The following SRSF4 variants were observed in gnomAD, a reference collection of about 807,000 sequenced individuals.
SRSF4 encodes the protein serine and arginine rich splicing factor 4.
In SRSF4, 12 loss-of-function variants were observed where a neutral mutation model predicts 48.8. That is an observed-to-expected ratio of 0.25 (90% CI 0.16 to 0.40). SRSF4 has a LOEUF of 0.40. Among genes scored for constraint, SRSF4 ranks in the 10% least tolerant of loss-of-function variants. SRSF4 has a pLI of 1.00. For missense variants in SRSF4, 466 were observed against 667.1 expected, an observed-to-expected ratio of 0.70 and a Z score of 3.32; for synonymous variants, 248 against 232.5, an observed-to-expected ratio of 1.07 and a Z score of -0.61.
chr1:29,148,504 G>A lies in SRSF4; in HGVS notation c.1391C>T (p.Ser464Leu). ...LPSESRSRSK[S>L]ASKTRSRSKS... ...GGACCGAGATCGGGTTTTTGAAGCT[G>A]ACTTTGATCTGGAGCGTGATTCTGA... Residue 464 changes from serine to leucine, a missense_variant, in exon 6 of 6, where the codon TCA becomes TTA. This residue lies in a region of SRSF4 where 402 missense variants were observed against 437.0 expected (regional missense o/e 0.92). Coordinates refer to ENST00000373795, the MANE Select transcript of SRSF4 (RefSeq NM_005626.5). The A allele has an allele frequency of 6.2e-7, 1 of 1,614,098 alleles. No homozygotes were observed. The highest frequency in any genetic ancestry group is 8.5e-7 in the Non-Finnish European group (1 of 1,180,022).
Position 29,150,086 on chromosome 1 carries a change from T to C in SRSF4, c.668+17A>G, listed in dbSNP as rs745533678. 3.1e-6 allele frequency: 5 copies of C among 1,602,928 alleles called. No homozygotes were observed. Among genetic ancestry groups the C allele is most frequent in the Non-Finnish European group, 4.3e-6 (5 of 1,173,702 alleles). On this transcript the variant is annotated intron_variant, in intron 5 of 5. Coordinates refer to ENST00000373795, the MANE Select transcript of SRSF4 (RefSeq NM_005626.5). ...ATTCCCTGCTGACCACCTCTACTTA[T>C]AACATGGAAGACATACCTGGACCGA... is the stretch of plus-strand genomic sequence containing the variant.
chr1:29,151,086 A>C (rs1672401805), intron 4 of SRSF4, among the ~76,000 whole-genome samples: 1 of 152,144 alleles, frequency 6.6e-6, no homozygotes, highest in Non-Finnish European at 1.5e-5. Context: ...AAAATGACTG[A>C]CTCCAGGCGT....
In SRSF4 at chr1:29,178,353, C is replaced by CTTCTTTTT. The variant is rs141096220; in HGVS notation, c.107+3292_107+3293insAAAAAGAA. 5.5e-5 allele frequency among the ~76,000 whole-genome samples: 7 copies of CTTCTTTTT among 127,874 alleles called. 1 individual carries two copies. Among genetic ancestry groups the CTTCTTTTT allele is most frequent in the Non-Finnish European group, 3.2e-5 (2 of 62,280 alleles). 83.9% of individuals were successfully genotyped at this position (127,874 alleles called of 152,430 possible). ...AAAATCTGTTTCTGAGTTTCAATTA[C>CTTCTTTTT]TTTTTTTTTTGAGACAGAGTCTCGC... is the stretch of plus-strand genomic sequence containing the variant. On this transcript the variant is annotated intron_variant, in intron 1 of 5. Coordinates refer to ENST00000373795, the MANE Select transcript of SRSF4 (RefSeq NM_005626.5).
chr1:29,176,368 T>A (rs949958879), intron 1 of SRSF4, among the ~76,000 whole-genome samples: 3 of 152,072 alleles, frequency 2.0e-5, no homozygotes, highest in Non-Finnish European at 4.4e-5. Flanking sequence ...ATAAAAATGA[T>A]AAAGCACTTC....
chr1:29,181,296 G>A (rs1672952176), intron 1 of SRSF4, among the ~76,000 whole-genome samples: 1 of 152,228 alleles, frequency 6.6e-6, no homozygotes, highest in Non-Finnish European at 1.5e-5. Flanking sequence ...TGTCTACCCA[G>A]AAACGAATAG....
chr1:29,154,305 C>A (rs1672465082), intron 4 of SRSF4, among the ~76,000 whole-genome samples: 1 of 152,190 alleles, frequency 6.6e-6, no homozygotes, highest in Admixed American at 6.6e-5. Flanking sequence ...ATCAGGTGAT[C>A]CACCCACCTC....
intron 1 of SRSF4, chr1:29,170,160 A>G (rs368884788): frequency 7.2e-5 from 11 of 152,292 alleles, no homozygotes; most frequent in African/African-American, 2.6e-4. Context: ...ACTAAGGATA[A>G]ATGAAATTGA....
At chr1:29,167,689 C>T (rs1672686795) in intron 1 of SRSF4, among the ~76,000 whole-genome samples, 5 of 152,162 alleles carry the variant, frequency 3.3e-5, no homozygotes, top group Admixed American at 3.3e-4. Flanking sequence ...AGTCATGTTT[C>T]TGTAGCTTTT....
In SRSF4 at chr1:29,160,406, T is replaced by C; in HGVS notation, c.219A>G (p.Pro73=). Residue 73 remains proline, a synonymous_variant, in exon 2 of 6, where the codon CCA becomes CCG. Transcript: ENST00000373795. The part of the protein sequence containing the change: ...ERVIVEHARG[P]RRDGSYGSGR... ...CAGAACCGTAACTGCCATCTCGCCGTGGGCCGCGGGCATGCTCAACAATTA... is the reference window on the plus strand; with the variant it reads ...CAGAACCGTAACTGCCATCTCGCCGCGGGCCGCGGGCATGCTCAACAATTA... 2.5e-6 allele frequency: 4 copies of C among 1,613,762 alleles called. No homozygotes were observed. Among genetic ancestry groups the C allele is most frequent in the Non-Finnish European group, 3.4e-6 (4 of 1,179,896 alleles).
intron 1 of SRSF4, chr1:29,170,577 A>T (rs1672732997): frequency 6.6e-6 from 1 of 152,170 alleles, no homozygotes; most frequent in Non-Finnish European, 1.5e-5. Context: ...TTTTTGGTTA[A>T]AGATGCCACT....
At chr1:29,149,448 A>G (rs1672368306) in intron 5 of SRSF4, among the ~76,000 whole-genome samples, 1 of 152,144 alleles carries the variant, frequency 6.6e-6, no homozygotes, top group Non-Finnish European at 1.5e-5. Flanking sequence ...TGAGAGGCCA[A>G]GGCAGGCGGA....
Position 29,159,398 on chromosome 1 carries a change from A to G in SRSF4, c.339T>C (p.Ser113=). The change falls in exon 3 of 6, where the codon AGT becomes AGC. Residue 113 remains serine (S), a synonymous_variant. Coordinates refer to ENST00000373795, the MANE Select transcript of SRSF4 (RefSeq NM_005626.5). ...EYRLIVENLS[S]RCSWQDLKDY... is the part of the protein sequence containing the mutation. The stretch of plus-strand genomic sequence containing the variant: ...CCTTTAGGTCTTGCCAGCTGCACCG[A>G]CTTGACAAATTCTCCACAATAAGTC... The G allele has an allele frequency of 6.2e-7, 1 of 1,614,038 alleles. No individual in the cohort carries two copies. The highest frequency in any genetic ancestry group is 8.5e-7 in the Non-Finnish European group (1 of 1,179,964).
rs556688744 is a variant in SRSF4, at chr1:29,149,242, A to C, written c.669-16T>G. On this transcript the variant is annotated splice_polypyrimidine_tract_variant and intron_variant, in intron 5 of 5. Coordinates refer to ENST00000373795, the MANE Select transcript of SRSF4 (RefSeq NM_005626.5). ...GGAGCCCGACCTGAGGAGACATGGG[A>C]TACTGTTTGTGTCACATGTGACTTC... 13 of 1,601,934 alleles carry C rather than the reference A, an allele frequency of 8.1e-6. No homozygotes were observed. The highest frequency in any genetic ancestry group is 1.3e-5 in the African/African-American group (1 of 74,546).
chr1:29,158,370 A>G (rs1672533368), intron 3 of SRSF4, among the ~76,000 whole-genome samples: 1 of 152,134 alleles, frequency 6.6e-6, no homozygotes, highest in African/African-American at 2.4e-5. Context: ...GCTGCAGGAA[A>G]CACTGATGGT....
chr1:29,149,307 T>C, intron 5 of SRSF4, 81 bp from the exon 6 acceptor site: 1 of 1,480,424 alleles, frequency 6.8e-7, no homozygotes, highest in African/African-American at 1.4e-5. Context: ...GGCATACATG[T>C]GGAGTTACAC....
intron 1 of SRSF4, among the ~76,000 whole-genome samples, chr1:29,180,658 G>A (rs1169958931): frequency 6.6e-6 from 1 of 152,132 alleles, no homozygotes; most frequent in Non-Finnish European, 1.5e-5. Flanking sequence ...GCCCTAAAAT[G>A]TCACCCCAGT....
intron 1 of SRSF4, among the ~76,000 whole-genome samples, chr1:29,163,654 T>C (rs555517107): frequency 6.6e-6 from 1 of 152,350 alleles, no homozygotes; most frequent in Admixed American, 6.5e-5. Context: ...AATCTCTCTA[T>C]TAAGCAATGG....
chr1:29,176,330 T>C (rs1417867380), intron 1 of SRSF4, among the ~76,000 whole-genome samples: 1 of 152,094 alleles, frequency 6.6e-6, no homozygotes, highest in Non-Finnish European at 1.5e-5. Flanking sequence ...TGCTTTTTCT[T>C]TTGTCACTCA....
At chr1:29,167,075 C>A (rs754603440) in intron 1 of SRSF4, among the ~76,000 whole-genome samples, 2 of 152,198 alleles carry the variant, frequency 1.3e-5, no homozygotes, top group African/African-American at 4.8e-5. Flanking sequence ...GCCTTCAGGG[C>A]TGTCTCTACC....
Sources: gnomAD v4.1 joint callset for allele counts (sites outside exome capture counted in the v4.1 genomes callset) on GRCh38, gnomAD v4.1.1 for gene constraint, gnomAD v4.1.1 regional missense constraint, MANE v1.5 for transcripts, NCBI Gene and HGNC (gene_info 2026-07-23, HGNC 2026-07-21) for gene names.